Variants in RPA1 observed in about 807,000 individuals in gnomAD.
RPA1 encodes replication protein A 70 kDa DNA-binding subunit.
A neutral mutation model predicts 83.0 loss-of-function variants in RPA1; 49 were observed. The ratio of observed to expected loss-of-function variants is 0.59; its 90% CI spans 0.47 to 0.75. The LOEUF (loss-of-function observed/expected upper bound fraction) is 0.75, where lower values mean the gene tolerates loss of function less well. Ranked by LOEUF, RPA1 falls within the 30% of genes least tolerant of loss-of-function variation. The pLI is 0.00. For synonymous variants in RPA1, 279 were observed against 281.8 expected (o/e 0.99, Z 0.10); for missense variants, 693 against 776.1 (o/e 0.89, Z 1.27).
At chr17:1,876,382 G>A (rs1052524134) in intron 7 of RPA1, among the ~76,000 whole-genome samples, 24 of 151,956 alleles carry the variant, frequency 1.6e-4, no homozygotes, top group African/African-American at 4.6e-4. Context: ...TGGTGAAACC[G>A]TGTCTCTACT....
rs1913922764 is a variant in RPA1, at chr17:1,884,516, TA to T, written c.1374+574del. Among the ~76,000 whole-genome samples the T allele has an allele frequency of 1.3e-5, 2 of 152,248 alleles. No individual in the cohort carries two copies. The highest frequency in any genetic ancestry group is 2.9e-5 in the Non-Finnish European group (2 of 68,028). ...TAATGACCCTCCTCCCATCTTGATC[TA>T]AGCCTGTGTTCTGCCAGCAGTTTAG... On this transcript the variant is annotated intron_variant, in intron 13 of 16. Transcript: ENST00000254719. The surrounding 1 kb of genome is among the most constrained non-coding windows in gnomAD (Gnocchi z 4.1).
rs987232161 is a variant in RPA1, at chr17:1,844,482, G to A, written c.164-96G>A. The A allele has an allele frequency of 8.3e-6, 7 of 846,078 alleles. No homozygotes were observed. The African/African-American group carries it at 8.5e-5, about 10-fold the overall frequency. 52.4% of individuals were successfully genotyped at this position (846,078 alleles called of 1,614,324 possible). ...ACTAGTTTTAATTTCAGGAGCATATGTAAGGCATTTTTCTTTGCTAGCACA... is the reference window on the plus strand; with the variant it reads ...ACTAGTTTTAATTTCAGGAGCATATATAAGGCATTTTTCTTTGCTAGCACA... On this transcript the variant is annotated intron_variant, in intron 3 of 16. Coordinates refer to ENST00000254719, the MANE Select transcript of RPA1 (RefSeq NM_002945.5).
intron 5 of RPA1, chr17:1,872,147 A>T: frequency 2.5e-6 from 1 of 393,412 alleles, no homozygotes. Flanking sequence ...AGGTTGTTGC[A>T]GGAGAAATGG....
intron 13 of RPA1, among the ~76,000 whole-genome samples, chr17:1,888,257 C>A (rs190565085): frequency 2.0e-5 from 3 of 152,140 alleles, no homozygotes; most frequent in African/African-American, 4.8e-5. Flanking sequence ...GATGGTTGAT[C>A]GTTGCTGCAC....
At chr17:1,848,479 C>G (rs1420179317) in intron 4 of RPA1, among the ~76,000 whole-genome samples, 3 of 151,614 alleles carry the variant, frequency 2.0e-5, no homozygotes, top group Non-Finnish European at 2.9e-5. Context: ...GGCATGGTGG[C>G]ACATGCCTGT....
chr17:1,844,516 T>TAGC, intron 3 of RPA1, 62 bp from the exon 4 acceptor site: 1 of 1,295,176 alleles, frequency 7.7e-7, no homozygotes, highest in Non-Finnish European at 1.1e-6. Flanking sequence ...CAGGTATGAG[T>TAGC]AGCTCTCAGA....
chr17:1,872,425 G>C lies in RPA1; in HGVS notation c.362-9G>C, dbSNP rs1913407014. The C allele has an allele frequency of 2.5e-6, 4 of 1,613,314 alleles. No homozygotes were observed. The highest frequency in any genetic ancestry group is 3.4e-6 in the Non-Finnish European group (4 of 1,179,882). ...TGCACTAAAACGGGGTTTCCCTTTTGATCTTCAGGACTCGGGCAGCCGCAA... is the reference window on the plus strand; with the variant it reads ...TGCACTAAAACGGGGTTTCCCTTTTCATCTTCAGGACTCGGGCAGCCGCAA... On this transcript the variant is annotated splice_polypyrimidine_tract_variant and intron_variant, in intron 5 of 16. Coordinates refer to ENST00000254719, the MANE Select transcript of RPA1 (RefSeq NM_002945.5).
At chr17:1,858,173 A>G in intron 5 of RPA1, 11 of 1,614,018 alleles carry the variant, frequency 6.8e-6, no homozygotes, top group Non-Finnish European at 9.3e-6. Context: ...CAGGTATGAT[A>G]CATGAGAGGG....
At chr17:1,843,622 T>TATTATTATTATC in intron 2 of RPA1, among the ~76,000 whole-genome samples, 1 of 148,790 alleles carries the variant, frequency 6.7e-6, no homozygotes, top group East Asian at 1.9e-4. Flanking sequence ...TTATTATTAT[T>TATTATTATTATC]ATTATTATTA....
chr17:1,888,655 G>C lies in RPA1; in HGVS notation c.1375-20G>C. ...GCGGGCTCGCGACTCCGTGCCTCAT[G>C]CTGTTCTTTTCTCCCGAAGCCGGAC... On this transcript the variant is annotated intron_variant, in intron 13 of 16. Transcript: ENST00000254719. 6.2e-7 allele frequency: 1 copy of C among 1,602,118 alleles called. No individual in the cohort carries two copies.
At chr17:1,865,677 A>G (rs1913149415) in intron 5 of RPA1, among the ~76,000 whole-genome samples, 2 of 152,154 alleles carry the variant, frequency 1.3e-5, no homozygotes, top group African/African-American at 4.8e-5. Context: ...TTTATCCTTC[A>G]GGCGTTTCTT....
intron 14 of RPA1, among the ~76,000 whole-genome samples, chr17:1,890,532 G>A (rs1195702453): frequency 8.6e-5 from 13 of 151,942 alleles, no homozygotes; most frequent in African/African-American, 2.7e-4. Context: ...GCGTGGTGGC[G>A]GGCACCTGCA....
At chr17:1,863,498 C>T (rs1458688772) in intron 5 of RPA1, among the ~76,000 whole-genome samples, 5 of 152,188 alleles carry the variant, frequency 3.3e-5, no homozygotes, top group Non-Finnish European at 1.5e-5. Flanking sequence ...CAGGTGTGAG[C>T]CACCGTGCCT....
chr17:1,889,549 C>G (rs1412140922), intron 14 of RPA1, among the ~76,000 whole-genome samples: 2 of 152,026 alleles, frequency 1.3e-5, no homozygotes, highest in African/African-American at 2.4e-5. Context: ...CTCTGCTGTT[C>G]AGGTTGGTCT....
chr17:1,843,994 A>G lies in RPA1; in HGVS notation c.159A>G (p.Leu53=), dbSNP rs139235121. ...RLLMSDGLNT[L]SSFMLATQLN... ...TCATGAGTGATGGATTGAACACTCT[A>G]TCCTGTGAGTATGGTGTATCCATCT... Residue 53 remains leucine (L), a synonymous_variant, in exon 3 of 17, where the codon CTA becomes CTG. Coordinates refer to ENST00000254719, the MANE Select transcript of RPA1 (RefSeq NM_002945.5). 9 of 1,612,238 alleles carry G rather than the reference A, an allele frequency of 5.6e-6. No homozygotes were observed. The African/African-American group carries it at 9.3e-5, about 17-fold the overall frequency.
At chr17:1,880,211 C>T (rs1477630411) in intron 11 of RPA1, among the ~76,000 whole-genome samples, 3 of 152,086 alleles carry the variant, frequency 2.0e-5, no homozygotes, top group Non-Finnish European at 4.4e-5. Context: ...CTCGTGGGGG[C>T]GGTTTTGTCC....
chr17:1,840,647 C>A (rs1346071321), intron 1 of RPA1, among the ~76,000 whole-genome samples: 1 of 152,174 alleles, frequency 6.6e-6, no homozygotes, highest in Non-Finnish European at 1.5e-5. Flanking sequence ...TGAGCTCAAG[C>A]GATCCTCCTG....
intron 5 of RPA1, among the ~76,000 whole-genome samples, chr17:1,862,383 A>G (rs1351097504): frequency 2.0e-5 from 3 of 151,238 alleles, no homozygotes; most frequent in African/African-American, 7.3e-5. Flanking sequence ...TCCACATGGA[A>G]GAAGTAGATG....
intron 5 of RPA1, among the ~76,000 whole-genome samples, chr17:1,865,546 TG>T (rs764859866): frequency 5.9e-5 from 9 of 152,332 alleles, no homozygotes; most frequent in Non-Finnish European, 1.2e-4. Context: ...AAAAAGATAA[TG>T]TAGTTACATG....
Sources: gnomAD v4.1 joint callset for allele counts (sites outside exome capture counted in the v4.1 genomes callset) on GRCh38, gnomAD v4.1.1 for gene constraint, Gnocchi (gnomAD v3.1) non-coding constraint, MANE v1.5 for transcripts, NCBI Gene and HGNC (gene_info 2026-07-23, HGNC 2026-07-21) for gene names.